Variants in NEGR1 observed in about 807,000 individuals in gnomAD.
The protein encoded by NEGR1 is neuronal growth regulator 1.
NEGR1 carries 10 observed loss-of-function variants against 40.9 expected under a neutral mutation model. That is an observed-to-expected ratio of 0.24 (90% CI 0.15 to 0.42). The LOEUF is 0.42. Ranked by LOEUF, NEGR1 falls within the 10% of genes least tolerant of loss-of-function variation. The probability of loss-of-function intolerance (pLI) is 1.00; values close to 1 mark genes in which losing one functional copy is unlikely to be tolerated. For missense variants in NEGR1, 352 were observed against 438.9 expected, an observed-to-expected ratio of 0.80 and a Z score of 1.77; for synonymous variants, 185 against 166.8, an observed-to-expected ratio of 1.11 and a Z score of -0.84.
At chr1:72,181,722 T>A (rs1652378546) in intron 1 of NEGR1, among the ~76,000 whole-genome samples, 1 of 152,096 alleles carries the variant, frequency 6.6e-6, no homozygotes, top group Non-Finnish European at 1.5e-5. Flanking sequence ...AAGAAAGAGA[T>A]CTTGCCATTT....
At chr1:71,780,059 A>G (rs867487597) in intron 2 of NEGR1, among the ~76,000 whole-genome samples, 110 of 149,082 alleles carry the variant, frequency 7.4e-4, no homozygotes, top group African/African-American at 2.6e-3. Flanking sequence ...AAAAAAAAAA[A>G]AAAAAAAAAA....
At chr1:71,935,847 G>A (rs2100232398) in intron 1 of NEGR1, among the ~76,000 whole-genome samples, 1 of 152,210 alleles carries the variant, frequency 6.6e-6, no homozygotes, top group East Asian at 1.9e-4. Flanking sequence ...CGCCCAGGCT[G>A]GAATGCGGTG....
intron 1 of NEGR1, among the ~76,000 whole-genome samples, chr1:72,149,388 T>C (rs1052076577): frequency 6.6e-6 from 1 of 152,048 alleles, no homozygotes. Context: ...ATCATATCAG[T>C]TCATAAAAAG....
At chr1:72,209,585 T>A (rs1653525423) in intron 1 of NEGR1, among the ~76,000 whole-genome samples, 1 of 151,882 alleles carries the variant, frequency 6.6e-6, no homozygotes, top group Non-Finnish European at 1.5e-5. Flanking sequence ...TAAGAAATAT[T>A]TTCTAAATTT....
intron 1 of NEGR1, among the ~76,000 whole-genome samples, chr1:71,939,779 C>T (rs12092634): frequency 2.8e-4 from 42 of 149,584 alleles, no homozygotes; most frequent in African/African-American, 9.8e-4. Flanking sequence ...TGACTCTACA[C>T]TTCCGAAACC....
At chr1:72,001,716 G>C (rs772375727) in intron 1 of NEGR1, among the ~76,000 whole-genome samples, 1 of 150,964 alleles carries the variant, frequency 6.6e-6, no homozygotes, top group Non-Finnish European at 1.5e-5. Context: ...TAGTATAATA[G>C]CTAGAGTAAC....
chr1:71,693,389 C>A (rs1316790949), intron 4 of NEGR1, among the ~76,000 whole-genome samples: 1 of 151,592 alleles, frequency 6.6e-6, no homozygotes, highest in Non-Finnish European at 1.5e-5. Flanking sequence ...TATTCAACAA[C>A]TATTTTTGGA....
intron 1 of NEGR1, among the ~76,000 whole-genome samples, chr1:72,281,139 A>G (rs1656227108): frequency 6.6e-6 from 1 of 152,202 alleles, no homozygotes; most frequent in Non-Finnish European, 1.5e-5. Flanking sequence ...TCAAGCTCAG[A>G]GGAAAGAAGG....
At chr1:72,056,486 C>T (rs994094039) in intron 1 of NEGR1, among the ~76,000 whole-genome samples, 3 of 151,066 alleles carry the variant, frequency 2.0e-5, no homozygotes, top group Admixed American at 6.6e-5. Context: ...AGTGTATTTC[C>T]AGATTCTGTA....
At chr1:71,824,604 A>G (rs1658551108) in intron 2 of NEGR1, among the ~76,000 whole-genome samples, 1 of 151,948 alleles carries the variant, frequency 6.6e-6, no homozygotes, top group Non-Finnish European at 1.5e-5. Flanking sequence ...ACTGTAAACT[A>G]TTGTGTAATC....
intron 6 of NEGR1, among the ~76,000 whole-genome samples, chr1:71,551,372 G>A (rs977970561): frequency 6.6e-6 from 1 of 151,456 alleles, no homozygotes; most frequent in Admixed American, 6.6e-5. Context: ...GTGTTTCGAA[G>A]GCATATTCAG....
intron 3 of NEGR1, among the ~76,000 whole-genome samples, chr1:71,772,104 G>A (rs561753522): frequency 5.9e-5 from 9 of 152,200 alleles, no homozygotes; most frequent in South Asian, 4.1e-4. Flanking sequence ...CTCCGGATCC[G>A]ATTCCCTGAG....
At chr1:71,731,525 T>A (rs895190591) in intron 3 of NEGR1, among the ~76,000 whole-genome samples, 3 of 152,250 alleles carry the variant, frequency 2.0e-5, no homozygotes, top group Admixed American at 6.5e-5. Flanking sequence ...CTAATAGAGA[T>A]AATTATTTTG....
chr1:71,931,724 A>G (rs1156528562), intron 2 of NEGR1, among the ~76,000 whole-genome samples: 4 of 152,130 alleles, frequency 2.6e-5, no homozygotes, highest in African/African-American at 7.2e-5. Context: ...TTCAAGATTA[A>G]TTTTCCAACA....
chr1:71,932,308 G>T (rs1323666709), intron 2 of NEGR1, among the ~76,000 whole-genome samples: 4 of 150,036 alleles, frequency 2.7e-5, no homozygotes, highest in African/African-American at 9.8e-5. Flanking sequence ...GTTTTTTTTT[G>T]TTGTTGTCAT....
At chr1:71,679,621 C>T (rs1029472147) in intron 4 of NEGR1, among the ~76,000 whole-genome samples, 2 of 151,744 alleles carry the variant, frequency 1.3e-5, no homozygotes, top group East Asian at 1.9e-4. Flanking sequence ...ATAAATCAGC[C>T]ACACATAGAG....
intron 2 of NEGR1, among the ~76,000 whole-genome samples, chr1:71,833,573 G>C (rs573813557): frequency 6.6e-6 from 1 of 152,186 alleles, no homozygotes; most frequent in South Asian, 2.1e-4. Flanking sequence ...TGCATTTTGA[G>C]TTGGTGGTTC....
intron 1 of NEGR1, among the ~76,000 whole-genome samples, chr1:72,060,642 A>C (rs1647158704): frequency 6.6e-6 from 1 of 151,646 alleles, no homozygotes. Context: ...CTCTTTTAAA[A>C]TTGGGGATGA....
intron 1 of NEGR1, among the ~76,000 whole-genome samples, chr1:72,204,433 A>G (rs1360989816): frequency 2.0e-5 from 3 of 152,132 alleles, no homozygotes; most frequent in Non-Finnish European, 1.5e-5. Flanking sequence ...GCTAACAAAT[A>G]CAGCCATTTC....
Sources: gnomAD v4.1 joint callset for allele counts (sites outside exome capture counted in the v4.1 genomes callset) on GRCh38, gnomAD v4.1.1 for gene constraint, MANE v1.5 for transcripts, NCBI Gene and HGNC (gene_info 2026-07-23, HGNC 2026-07-21) for gene names.